Variants in VPS13B observed in about 807,000 individuals in gnomAD.
The protein encoded by VPS13B is intermembrane lipid transfer protein VPS13B.
VPS13B carries 285 observed loss-of-function variants against 426.4 expected under a neutral mutation model. The observed-to-expected ratio is 0.67, with a 90% CI of 0.61 to 0.74. VPS13B has a LOEUF of 0.74. Among genes scored for constraint, VPS13B ranks in the 30% least tolerant of loss-of-function variants. The pLI, the probability that VPS13B is intolerant of heterozygous loss-of-function variation, is 0.00. For missense variants in VPS13B, 4,537 were observed against 4,782.6 expected (o/e 0.95, Z 1.51); for synonymous variants, 1,676 against 1,676.4 (o/e 1.00, Z 0.01).
At chr8:99,252,405 T>C (rs1817550073) in intron 17 of VPS13B, among the ~76,000 whole-genome samples, 1 of 152,108 alleles carries the variant, frequency 6.6e-6, no homozygotes, top group African/African-American at 2.4e-5. Context: ...TCTAATGTGG[T>C]CTGAGAACAA....
chr8:99,560,594 G>A (rs1824859352), intron 31 of VPS13B, among the ~76,000 whole-genome samples: 1 of 152,176 alleles, frequency 6.6e-6, no homozygotes, highest in Non-Finnish European at 1.5e-5. Flanking sequence ...CTGAGAAGGG[G>A]TGTAAATTTG....
Position 99,832,705 on chromosome 8 carries a change from T to C in VPS13B, c.9614+53T>C, listed in dbSNP as rs560108917. The C allele has an allele frequency of 2.2e-5, 34 of 1,572,490 alleles. 1 individual carries two copies. In the South Asian group the frequency reaches 3.6e-4, roughly 17 times the overall value. ...TCTTCTTTGCTTGTCAGTCTAGCTG[T>C]TCATCTAGATGCCAAGAGAGATACA... On this transcript the variant is annotated intron_variant, in intron 52 of 61. Coordinates refer to ENST00000357162, the MANE Select transcript of VPS13B (RefSeq NM_152564.5).
intron 17 of VPS13B, among the ~76,000 whole-genome samples, chr8:99,246,297 C>G (rs1306331597): frequency 1.3e-5 from 2 of 152,150 alleles, no homozygotes; most frequent in African/African-American, 4.8e-5. Flanking sequence ...GGATGTTGAT[C>G]TTTCAATAAA....
chr8:99,170,584 T>C (rs1273952197), intron 16 of VPS13B, among the ~76,000 whole-genome samples: 3 of 151,910 alleles, frequency 2.0e-5, no homozygotes, highest in Non-Finnish European at 4.4e-5. Flanking sequence ...ATACACATTA[T>C]GTAGAGTTAG....
At chr8:99,843,761 C>T (rs1815832178) in intron 54 of VPS13B, among the ~76,000 whole-genome samples, 1 of 152,204 alleles carries the variant, frequency 6.6e-6, no homozygotes, top group African/African-American at 2.4e-5. Flanking sequence ...TTCCTGGCTC[C>T]ACCTTCTGGG....
chr8:99,333,598 G>A lies in VPS13B; in HGVS notation c.2825-50610G>A, dbSNP rs151222890. Among the ~76,000 whole-genome samples, 944 of 151,914 alleles carry A rather than the reference G, an allele frequency of 6.2e-3. 6 individuals are homozygous for A. The highest frequency in any genetic ancestry group is 0.021 in the African/African-American group (885 of 41,504). Reference sequence around the variant, plus strand: ...TACCTACCACCATAGTCAAGATACAGAATAGTTTCATGACTGTAAGAATCC... The same window carrying A: ...TACCTACCACCATAGTCAAGATACAAAATAGTTTCATGACTGTAAGAATCC... On this transcript the variant is annotated intron_variant, in intron 19 of 61. Transcript: ENST00000357162.
In VPS13B at chr8:99,128,386, C is replaced by CAAA. The variant is rs71273165; in HGVS notation, c.1207-6207_1207-6205dup. On this transcript the variant is annotated intron_variant, in intron 8 of 61. Coordinates refer to ENST00000357162, the MANE Select transcript of VPS13B (RefSeq NM_152564.5). ...TGGGTGACAGAGCAAGATACTGTCC[C>CAAA]AAAAAAAAAAAAAAAAAAAAAAAAA... Among the ~76,000 whole-genome samples the CAAA allele has an allele frequency of 6.1e-4, 21 of 34,220 alleles. 2 individuals are homozygous for CAAA. The highest frequency in any genetic ancestry group is 4.3e-3 in the East Asian group (4 of 938). The allele number at this position is 34,220 out of a possible 152,430, so 22.4% of individuals were successfully genotyped here.
intron 19 of VPS13B, among the ~76,000 whole-genome samples, chr8:99,287,342 T>C (rs1169000599): frequency 6.6e-6 from 1 of 152,054 alleles, no homozygotes; most frequent in Admixed American, 6.6e-5. Context: ...TGATGAGTTA[T>C]GATATGATCT....
intron 2 of VPS13B, among the ~76,000 whole-genome samples, chr8:99,025,567 C>T (rs1426588925): frequency 1.3e-5 from 2 of 152,072 alleles, no homozygotes; most frequent in Non-Finnish European, 2.9e-5. Flanking sequence ...TAGGGTAATA[C>T]TGGCCTTGTA....
intron 23 of VPS13B, among the ~76,000 whole-genome samples, chr8:99,445,429 C>T (rs1467987242): frequency 6.7e-6 from 1 of 149,634 alleles, no homozygotes; most frequent in African/African-American, 2.4e-5. Context: ...CGCACCACTG[C>T]ACTCCAGCCT....
At chr8:99,126,743 C>G (rs1473531271) in intron 8 of VPS13B, among the ~76,000 whole-genome samples, 1 of 152,192 alleles carries the variant, frequency 6.6e-6, no homozygotes, top group Non-Finnish European at 1.5e-5. Context: ...TGTTCTGGTA[C>G]AGATCTTCTG....
intron 41 of VPS13B, among the ~76,000 whole-genome samples, chr8:99,777,613 G>T (rs1811809480): frequency 6.6e-6 from 1 of 152,140 alleles, no homozygotes; most frequent in African/African-American, 2.4e-5. Flanking sequence ...GTCTGTTCTT[G>T]TTCAGTATCC....
chr8:99,224,596 G>A (rs1358333247), intron 17 of VPS13B, among the ~76,000 whole-genome samples: 2 of 151,974 alleles, frequency 1.3e-5, no homozygotes, highest in Non-Finnish European at 2.9e-5. Context: ...TGTATTGAGT[G>A]GTTTCTTTTT....
Position 99,165,690 on chromosome 8 carries a change from TG to T in VPS13B, c.2209-4347del, listed in dbSNP as rs527438355. Among the ~76,000 whole-genome samples the T allele has an allele frequency of 2.0e-5, 3 of 152,304 alleles. No individual in the cohort carries two copies. The South Asian group carries it at 6.2e-4, about 32-fold the overall frequency. ...ATACACATTTTACGGTTACATAAAT[TG>T]GCATATTTATTTTGGAAGTAGCAGC... On this transcript the variant is annotated intron_variant, in intron 15 of 61. Transcript: ENST00000357162.
intron 12 of VPS13B, among the ~76,000 whole-genome samples, chr8:99,137,747 A>T (rs1231428884): frequency 6.6e-6 from 1 of 152,052 alleles, no homozygotes; most frequent in African/African-American, 2.4e-5. Context: ...TTTTCCATGG[A>T]TTTAAGTACT....
chr8:99,068,991 A>C (rs187663806), intron 3 of VPS13B, among the ~76,000 whole-genome samples: 2 of 142,458 alleles, frequency 1.4e-5, no homozygotes, highest in East Asian at 4.0e-4. Context: ...GTATATGATC[A>C]TTTAAAAGTG....
At chr8:99,284,396 G>T (rs2133027120) in intron 19 of VPS13B, among the ~76,000 whole-genome samples, 1 of 152,154 alleles carries the variant, frequency 6.6e-6, no homozygotes, top group Non-Finnish European at 1.5e-5. Flanking sequence ...CTATAACGAT[G>T]CATCAAAGTC....
intron 25 of VPS13B, 120 bp downstream of exon 25, chr8:99,481,922 C>G: frequency 8.2e-7 from 1 of 1,215,578 alleles, no homozygotes; most frequent in Non-Finnish European, 1.2e-6. Flanking sequence ...TCTGAAGGTT[C>G]AAGAGGAGCT....
intron 3 of VPS13B, among the ~76,000 whole-genome samples, chr8:99,081,857 A>G (rs1457045715): frequency 6.6e-6 from 1 of 151,896 alleles, no homozygotes; most frequent in Admixed American, 6.6e-5. Flanking sequence ...AATCCAGTCT[A>G]TAATTGTTGG....
Sources: gnomAD v4.1 joint callset for allele counts (sites outside exome capture counted in the v4.1 genomes callset) on GRCh38, gnomAD v4.1.1 for gene constraint, MANE v1.5 for transcripts, NCBI Gene and HGNC (gene_info 2026-07-23, HGNC 2026-07-21) for gene names.